Variants in CDH4 observed in about 807,000 individuals in gnomAD.
The protein encoded by CDH4 is cadherin 4.
A neutral mutation model predicts 86.0 loss-of-function variants in CDH4; 33 were observed. That is an observed-to-expected ratio of 0.38 (90% CI 0.29 to 0.51). The LOEUF (loss-of-function observed/expected upper bound fraction) is 0.51. Among genes scored for constraint, CDH4 ranks in the 20% least tolerant of loss-of-function variants. CDH4 has a pLI of 0.86. For missense variants in CDH4, 1,114 were observed against 1,307.4 expected (o/e 0.85, Z 2.28); for synonymous variants, 555 against 549.4 (o/e 1.01, Z -0.14).
At chr20:61,499,997 G>A (rs915413463) in intron 2 of CDH4, among the ~76,000 whole-genome samples, 17 of 152,144 alleles carry the variant, frequency 1.1e-4, no homozygotes, top group Non-Finnish European at 1.8e-4. Flanking sequence ...CATGCGCTAG[G>A]CCATGAGAAC....
chr20:61,272,842 GC>G (rs1038742404), intron 2 of CDH4, among the ~76,000 whole-genome samples: 5 of 148,548 alleles, frequency 3.4e-5, no homozygotes, highest in African/African-American at 1.3e-4. Flanking sequence ...GTTTGGGGGA[GC>G]ACCATACGCA....
At chr20:61,620,231 CA>C (rs1568716926) in intron 2 of CDH4, among the ~76,000 whole-genome samples, 434 of 14,048 alleles carry the variant, frequency 0.031, no homozygotes, top group East Asian at 0.049. Context: ...GGTAGGCAGA[CA>C]GACAGACATA....
chr20:61,347,955 G>T (rs2084689347), intron 2 of CDH4, among the ~76,000 whole-genome samples: 1 of 152,172 alleles, frequency 6.6e-6, no homozygotes. Context: ...CCCTTTCCAT[G>T]GTTAAAGGGA....
At chr20:61,477,524 G>C (rs2085544999) in intron 2 of CDH4, among the ~76,000 whole-genome samples, 1 of 152,220 alleles carries the variant, frequency 6.6e-6, no homozygotes, top group African/African-American at 2.4e-5. Flanking sequence ...AGACAGAAGA[G>C]ATGAGGGCTG....
intron 2 of CDH4, among the ~76,000 whole-genome samples, chr20:61,320,275 G>C (rs191893053): frequency 2.0e-5 from 3 of 152,088 alleles, no homozygotes; most frequent in Non-Finnish European, 2.9e-5. Flanking sequence ...TTTTTGTCAC[G>C]ATTGTTCATT....
chr20:61,919,501 A>C (rs1419950760), intron 9 of CDH4, among the ~76,000 whole-genome samples: 1 of 152,254 alleles, frequency 6.6e-6, no homozygotes, highest in Non-Finnish European at 1.5e-5. Flanking sequence ...CACTGTAGAC[A>C]GTGCCTGGCC....
At chr20:61,528,068 G>A (rs936324525) in intron 2 of CDH4, among the ~76,000 whole-genome samples, 2 of 151,988 alleles carry the variant, frequency 1.3e-5, no homozygotes, top group Non-Finnish European at 2.9e-5. Context: ...TGGAAAACAG[G>A]TAACTTTAAA....
At chr20:61,733,640 G>A (rs1464739560) in intron 2 of CDH4, among the ~76,000 whole-genome samples, 1 of 149,536 alleles carries the variant, frequency 6.7e-6, no homozygotes, top group Non-Finnish European at 1.5e-5. Context: ...CACGATGGAT[G>A]GATGAATGGA....
chr20:61,753,966 C>T (rs569536570), intron 3 of CDH4, among the ~76,000 whole-genome samples: 28 of 152,232 alleles, frequency 1.8e-4, no homozygotes, highest in African/African-American at 5.8e-4. Flanking sequence ...TTAGCGTGGG[C>T]CCTGATGCAG....
At chr20:61,329,524 G>A (rs1215860201) in intron 2 of CDH4, among the ~76,000 whole-genome samples, 1 of 151,010 alleles carries the variant, frequency 6.6e-6, no homozygotes, top group Non-Finnish European at 1.5e-5. Context: ...ATAAGAGAGG[G>A]CTCTTGCTCT....
At chr20:61,743,938 C>T (rs1032711551) in intron 3 of CDH4, 149 bp downstream of exon 3, 5 of 674,524 alleles carry the variant, frequency 7.4e-6, no homozygotes, top group Non-Finnish European at 1.3e-5. Context: ...CAACCAAGCA[C>T]CCCTGCCCTC....
At position 61,873,743 on chromosome 20, in the gene CDH4, C is replaced by A. The variant is rs1463730085; in HGVS notation, c.893C>A (p.Thr298Asn). 1 of 1,613,442 alleles carries A rather than the reference C, an allele frequency of 6.2e-7. No individual in the cohort carries two copies. Among genetic ancestry groups the A allele is most frequent in the East Asian group, 2.2e-5 (1 of 44,884 alleles). The change falls in exon 7 of 16, where the codon ACC (threonine) becomes AAC (asparagine). Residue 298 changes from threonine to asparagine, a missense_variant. By Grantham distance (65) the Thr-to-Asn change is moderately conservative. This residue lies in a region of CDH4 where 705 missense variants were observed against 914.1 expected (regional missense o/e 0.77). Coordinates refer to ENST00000614565, the MANE Select transcript of CDH4 (RefSeq NM_001794.5). ...EGSKPGTYVM[T>N]VTANDADDST... is the part of the protein sequence containing the mutation. ...TCCGTTCCAGGCACCTACGTGATGACCGTCACGGCCAACGATGCTGACGAC... is the reference window on the plus strand; with the variant it reads ...TCCGTTCCAGGCACCTACGTGATGAACGTCACGGCCAACGATGCTGACGAC...
intron 2 of CDH4, among the ~76,000 whole-genome samples, chr20:61,635,918 G>T (rs547646736): frequency 2.0e-5 from 3 of 152,218 alleles, no homozygotes; most frequent in Non-Finnish European, 2.9e-5. Context: ...CTTAGTGGCA[G>T]TGGGGGCTTC....
At chr20:61,745,808 G>A (rs535682229) in intron 3 of CDH4, among the ~76,000 whole-genome samples, 10 of 152,300 alleles carry the variant, frequency 6.6e-5, no homozygotes, top group Non-Finnish European at 1.0e-4. Flanking sequence ...ATTGTGAGCC[G>A]AGAGCAGAGC....
Position 61,894,995 on chromosome 20 carries a change from T to C in CDH4, c.1136T>C (p.Ile379Thr), listed in dbSNP as rs760739744. ...GGCCTCTCAAACACAGCCACAGCCA[T>C]CATCACGGTGACAGATGTGAATGAC... is the stretch of plus-strand genomic sequence containing the variant. ...NYGLSNTATA[I>T]ITVTDVNDNP... is the part of the protein sequence containing the mutation. Residue 379 changes from isoleucine to threonine, a missense_variant, in exon 8 of 16, where the codon ATC becomes ACC. By Grantham distance (89) the Ile-to-Thr change is moderately conservative. Transcript: ENST00000614565. 8 of 1,613,876 alleles carry C rather than the reference T, an allele frequency of 5.0e-6. No homozygotes were observed. The highest frequency in any genetic ancestry group is 5.1e-6 in the Non-Finnish European group (6 of 1,180,006).
At chr20:61,589,769 TTAAC>T (rs1600786720) in intron 2 of CDH4, among the ~76,000 whole-genome samples, 1 of 151,722 alleles carries the variant, frequency 6.6e-6, no homozygotes, top group Non-Finnish European at 1.5e-5. Context: ...CCCCCCATAT[TTAAC>T]TAACCTGCAC....
At chr20:61,319,661 T>C (rs545756378) in intron 2 of CDH4, among the ~76,000 whole-genome samples, 3 of 152,170 alleles carry the variant, frequency 2.0e-5, no homozygotes, top group East Asian at 3.9e-4. Context: ...ATGAATAAGT[T>C]CTGGCTGGGC....
chr20:61,309,269 G>A (rs1408026656), intron 2 of CDH4, among the ~76,000 whole-genome samples: 1 of 152,204 alleles, frequency 6.6e-6, no homozygotes, highest in Non-Finnish European at 1.5e-5. Context: ...AGGAGCTTGT[G>A]TGCAGGCTGT....
At chr20:61,720,616 G>GGGTTGCAGAGTGCAT (rs1555830062) in intron 2 of CDH4, among the ~76,000 whole-genome samples, 12 of 34,710 alleles carry the variant, frequency 3.5e-4, no homozygotes, top group African/African-American at 2.1e-3. Flanking sequence ...GCAGCATGCA[G>GGGTTGCAGAGTGCAT]GGGTGCAGAG....
Sources: gnomAD v4.1 joint callset for allele counts (sites outside exome capture counted in the v4.1 genomes callset) on GRCh38, gnomAD v4.1.1 for gene constraint, gnomAD v4.1.1 regional missense constraint, MANE v1.5 for transcripts, NCBI Gene and HGNC (gene_info 2026-07-23, HGNC 2026-07-21) for gene names.